Variants in FLI1 observed in about 807,000 individuals in gnomAD.
FLI1 encodes Friend leukemia integration 1 transcription factor.
A neutral mutation model predicts 53.1 loss-of-function variants in FLI1; 13 were observed. The ratio of observed to expected loss-of-function variants is 0.24; its 90% CI spans 0.16 to 0.39. FLI1 has a LOEUF of 0.39. Among genes scored for constraint, FLI1 ranks in the 10% least tolerant of loss-of-function variants. The pLI, the probability that FLI1 is intolerant of heterozygous loss-of-function variation, is 1.00. For missense variants in FLI1, 424 were observed against 600.5 expected, an observed-to-expected ratio of 0.71 and a Z score of 3.07; for synonymous variants, 244 against 236.7, an observed-to-expected ratio of 1.03 and a Z score of -0.28.
intron 2 of FLI1, among the ~76,000 whole-genome samples, 175 bp from the exon 3 acceptor site, chr11:128,767,943 A>G (rs1174897733): frequency 6.6e-6 from 1 of 151,986 alleles, no homozygotes; most frequent in East Asian, 1.9e-4. Flanking sequence ...TTTGAAGAAA[A>G]CTCTGGTGGC....
At chr11:128,809,303 G>A in intron 8 of FLI1, 99 bp downstream of exon 8, 1 of 979,202 alleles carries the variant, frequency 1.0e-6, no homozygotes, top group East Asian at 2.4e-5. Flanking sequence ...CCTGAGTGGG[G>A]AGTAACATGC....
At chr11:128,688,069 C>A (rs1488443372) in intron 1 of FLI1, among the ~76,000 whole-genome samples, 1 of 152,154 alleles carries the variant, frequency 6.6e-6, no homozygotes, top group Non-Finnish European at 1.5e-5. Context: ...GTACCCGAGC[C>A]CGGCAAGAGG....
At chr11:128,793,551 A>G (rs1285908760) in intron 5 of FLI1, among the ~76,000 whole-genome samples, 3 of 152,200 alleles carry the variant, frequency 2.0e-5, no homozygotes, top group South Asian at 2.1e-4. Flanking sequence ...CCTTCCTGCC[A>G]CTACAGAGTT....
At chr11:128,771,127 G>A (rs1405828861) in intron 3 of FLI1, among the ~76,000 whole-genome samples, 1 of 152,188 alleles carries the variant, frequency 6.6e-6, no homozygotes, top group Non-Finnish European at 1.5e-5. Flanking sequence ...TGTAAAATGG[G>A]GATATTAAAA....
intron 1 of FLI1, among the ~76,000 whole-genome samples, chr11:128,709,528 T>C (rs139011729): frequency 3.7e-4 from 57 of 152,310 alleles, no homozygotes; most frequent in Non-Finnish European, 7.2e-4. Flanking sequence ...CCCTCCCACG[T>C]ATCCGGCCAT....
intron 3 of FLI1, 27 bp downstream of exon 3, chr11:128,768,299 C>A (rs530328798): frequency 6.3e-7 from 1 of 1,592,474 alleles, no homozygotes; most frequent in Admixed American, 1.7e-5. Flanking sequence ...GCTGCCTGGG[C>A]GCCATTCACT....
rs563936540 is a variant in FLI1 at position 128,781,706 on chromosome 11, G to A, written c.590-252G>A. Among the ~76,000 whole-genome samples the A allele has an allele frequency of 1.8e-4, 27 of 152,292 alleles. 1 individual carries two copies. The highest frequency in any genetic ancestry group is 1.2e-3 in the Admixed American group (19 of 15,294). ...CTATGAATATGGCAGCTTAGGGGGC[G>A]TGGTGTTTGTTTCCCCAGAGAGCAT... On this transcript the variant is annotated intron_variant, in intron 4 of 8. Coordinates refer to ENST00000527786, the MANE Select transcript of FLI1 (RefSeq NM_002017.5).
chr11:128,722,032 G>A (rs1330086590), intron 1 of FLI1, among the ~76,000 whole-genome samples: 1 of 152,146 alleles, frequency 6.6e-6, no homozygotes, highest in African/African-American at 2.4e-5. Flanking sequence ...GGCAGCCCAG[G>A]TAGTATGGTA....
At chr11:128,690,301 G>GGGGGT (rs552008646), upstream of FLI1, among the ~76,000 whole-genome samples, 53 of 152,188 alleles carry the variant, frequency 3.5e-4, no homozygotes, top group East Asian at 0.01. Flanking sequence ...TGGACCAGAG[G>GGGGGT]GGCATGGGAG....
At chr11:128,775,649 C>T (rs1941706922) in intron 4 of FLI1, among the ~76,000 whole-genome samples, 1 of 152,212 alleles carries the variant, frequency 6.6e-6, no homozygotes, top group African/African-American at 2.4e-5. Flanking sequence ...AGCCTTCAAA[C>T]ACTTTATTGT....
At chr11:128,701,943 G>A (rs1188467450) in intron 1 of FLI1, among the ~76,000 whole-genome samples, 1 of 152,190 alleles carries the variant, frequency 6.6e-6, no homozygotes, top group Non-Finnish European at 1.5e-5. Flanking sequence ...ATTCATTGAT[G>A]TTATGGGAAA....
At chr11:128,686,173 G>T (rs966588571), upstream of FLI1, 2 of 361,156 alleles carry the variant, frequency 5.5e-6, no homozygotes, top group African/African-American at 2.1e-5. Flanking sequence ...AGGGGCGAGT[G>T]TTGGCAGCTC....
chr11:128,759,980 G>A (rs1475241027), intron 2 of FLI1, among the ~76,000 whole-genome samples: 1 of 152,096 alleles, frequency 6.6e-6, no homozygotes, highest in Non-Finnish European at 1.5e-5. Flanking sequence ...GGAACTGCCA[G>A]GCCTACCACA....
chr11:128,751,424 A>G (rs7121484), intron 1 of FLI1, among the ~76,000 whole-genome samples: 2,454 of 151,162 alleles, frequency 0.016, 70 homozygotes, highest in African/African-American at 0.056. Context: ...ATCATGGCTC[A>G]CTGCAGCCTC....
chr11:128,786,994 A>G (rs1157181399), intron 5 of FLI1, among the ~76,000 whole-genome samples: 2 of 152,214 alleles, frequency 1.3e-5, no homozygotes, highest in African/African-American at 4.8e-5. Context: ...CGGAATGGCC[A>G]TCTCCAGCCA....
At chr11:128,795,845 C>T (rs1942426002) in intron 5 of FLI1, among the ~76,000 whole-genome samples, 1 of 152,188 alleles carries the variant, frequency 6.6e-6, no homozygotes, top group African/African-American at 2.4e-5. Flanking sequence ...CCACTGCGCC[C>T]AGCCCTAGAA....
upstream of FLI1, chr11:128,686,512 G>A (rs1463185487): frequency 4.4e-6 from 2 of 456,482 alleles, no homozygotes; most frequent in African/African-American, 2.0e-5. Flanking sequence ...CGGACTAGGC[G>A]GATCTGAGCT....
intron 2 of FLI1, chr11:128,764,708 C>G: frequency 6.4e-7 from 1 of 1,552,250 alleles, no homozygotes; most frequent in Non-Finnish European, 8.6e-7. Flanking sequence ...TGTACCCACC[C>G]TGAGCGGCAG....
chr11:128,744,790 T>G (rs1940305310), intron 1 of FLI1, among the ~76,000 whole-genome samples: 1 of 152,124 alleles, frequency 6.6e-6, no homozygotes, highest in African/African-American at 2.4e-5. Context: ...AAAATTATCG[T>G]GGGGAATTCT....
Sources: allele counts gnomAD v4.1 joint callset (sites outside exome capture counted in the v4.1 genomes callset), GRCh38; gene constraint gnomAD v4.1.1; transcripts MANE v1.5; gene names NCBI Gene and HGNC (gene_info 2026-07-23, HGNC 2026-07-21).